Variants in CNNM2 observed in about 807,000 individuals in gnomAD.
The protein encoded by CNNM2 is metal transporter CNNM2.
A neutral mutation model predicts 66.9 loss-of-function variants in CNNM2; 12 were observed. That is an observed-to-expected ratio of 0.18 (90% CI 0.11 to 0.29). CNNM2 has a LOEUF of 0.29. CNNM2 is among the 10% of genes least tolerant of loss of function. The probability of loss-of-function intolerance (pLI) is 1.00; values close to 1 mark genes in which losing one functional copy is unlikely to be tolerated. For missense variants in CNNM2, 705 were observed against 1,167.7 expected, an observed-to-expected ratio of 0.60 and a Z score of 5.77; for synonymous variants, 557 against 501.8, an observed-to-expected ratio of 1.11 and a Z score of -1.47.
Position 103,079,406 on chromosome 10 carries a change from CT to C in CNNM2, c.*2227del, listed in dbSNP as rs2065734562. ...CCTGTCAACCTATCTGGGCTCACGT[CT>C]GCTTCTCCACACACAGTCTCTCGGG... On this transcript the variant is annotated 3_prime_UTR_variant, in exon 8 of 8. Coordinates refer to ENST00000369878, the MANE Select transcript of CNNM2 (RefSeq NM_017649.5). The C allele has an allele frequency of 6.6e-6, 1 of 152,314 alleles. No individual in the cohort carries two copies. The highest frequency in any genetic ancestry group is 1.5e-5 in the Non-Finnish European group (1 of 68,122). The allele number at this position is 152,314 out of a possible 1,614,324, so 9.4% of individuals were successfully genotyped here.
intron 1 of CNNM2, among the ~76,000 whole-genome samples, chr10:103,029,784 T>C (rs2064786774): frequency 6.6e-6 from 1 of 151,690 alleles, no homozygotes; most frequent in Middle Eastern, 3.4e-3. Context: ...GAGAATCCCT[T>C]GAACCTGGGA....
chr10:102,976,049 A>T (rs1270175951), intron 1 of CNNM2, among the ~76,000 whole-genome samples: 1 of 152,134 alleles, frequency 6.6e-6, no homozygotes, highest in Admixed American at 6.5e-5. Context: ...TTTGAAAGAG[A>T]TACTTGGAAG....
intron 1 of CNNM2, among the ~76,000 whole-genome samples, chr10:102,988,565 C>T (rs1384828450): frequency 6.6e-6 from 1 of 152,126 alleles, no homozygotes; most frequent in Admixed American, 6.5e-5. Flanking sequence ...TGCATACACA[C>T]ACATACTTTG....
intron 1 of CNNM2, among the ~76,000 whole-genome samples, chr10:102,938,169 C>T (rs1846307525): frequency 6.6e-6 from 1 of 151,416 alleles, no homozygotes; most frequent in African/African-American, 2.4e-5. Context: ...GGTGCGGTGG[C>T]ACGTACCTGT....
chr10:103,042,920 T>C (rs2065066894), intron 1 of CNNM2, among the ~76,000 whole-genome samples: 2 of 152,214 alleles, frequency 1.3e-5, no homozygotes, highest in Non-Finnish European at 2.9e-5. Flanking sequence ...TCACTAGTTC[T>C]ATAGAACTCC....
intron 1 of CNNM2, among the ~76,000 whole-genome samples, chr10:102,958,627 C>T (rs533928788): frequency 3.3e-5 from 5 of 151,572 alleles, no homozygotes; most frequent in South Asian, 2.1e-4. Context: ...CATGCCACCA[C>T]GCCCAGCTAA....
intron 1 of CNNM2, among the ~76,000 whole-genome samples, chr10:102,999,237 A>ATTT (rs776992441): frequency 1.0e-3 from 133 of 128,922 alleles, no homozygotes; most frequent in Middle Eastern, 4.2e-3. Flanking sequence ...TGCCCGGCTA[A>ATTT]TTTTTTTTTT....
At chr10:103,010,899 T>A (rs993390463) in intron 1 of CNNM2, among the ~76,000 whole-genome samples, 2 of 152,140 alleles carry the variant, frequency 1.3e-5, no homozygotes, top group African/African-American at 4.8e-5. Context: ...AGGCGTAAGC[T>A]ACCGTGCCTG....
At chr10:102,924,830 G>A (rs771241608) in intron 1 of CNNM2, among the ~76,000 whole-genome samples, 4 of 151,880 alleles carry the variant, frequency 2.6e-5, no homozygotes, top group Non-Finnish European at 5.9e-5. Flanking sequence ...TGATATATTT[G>A]TTTTCATGAT....
In CNNM2 at chr10:103,084,196, G is replaced by A. The variant is rs182222284; in HGVS notation, c.*7016G>A. 8 of 152,032 alleles carry A rather than the reference G, an allele frequency of 5.3e-5. No individual in the cohort carries two copies. The highest frequency in any genetic ancestry group is 7.4e-5 in the Non-Finnish European group (5 of 68,008). The allele number at this position is 152,032 out of a possible 1,614,324, so 9.4% of individuals were successfully genotyped here. A position where few individuals can be genotyped will look rare whatever the true frequency, so the allele number is the denominator to read the frequency against. On this transcript the variant is annotated 3_prime_UTR_variant, in exon 8 of 8. Transcript: ENST00000369878. The stretch of plus-strand genomic sequence containing the variant: ...TCTATTTTACATTCCAAAGAGGATC[G>A]TGCTCTGAAAATTTAGCCTCTTGAC...
intron 1 of CNNM2, among the ~76,000 whole-genome samples, chr10:103,002,635 A>G (rs1029380607): frequency 1.3e-5 from 2 of 151,970 alleles, no homozygotes; most frequent in Admixed American, 6.6e-5. Context: ...ATGCGCCACC[A>G]CACCCGGCTA....
At chr10:103,057,771 A>G (rs1484395712) in intron 4 of CNNM2, among the ~76,000 whole-genome samples, 1 of 152,218 alleles carries the variant, frequency 6.6e-6, no homozygotes, top group South Asian at 2.1e-4. Flanking sequence ...AAACTGTTTT[A>G]TAGAGGAACT....
At chr10:103,063,704 T>C (rs554896833) in intron 4 of CNNM2, among the ~76,000 whole-genome samples, 1 of 152,348 alleles carries the variant, frequency 6.6e-6, no homozygotes, top group East Asian at 1.9e-4. Context: ...TCTTCCAAGT[T>C]CGTCAGTTTA....
intron 6 of CNNM2, among the ~76,000 whole-genome samples, chr10:103,072,365 C>T (rs567929507): frequency 1.3e-5 from 2 of 152,230 alleles, no homozygotes; most frequent in Non-Finnish European, 2.9e-5. Context: ...TTCCCACATC[C>T]GTGTGAGTGG....
chr10:103,030,255 T>C (rs1040348891), intron 1 of CNNM2, among the ~76,000 whole-genome samples: 4 of 152,240 alleles, frequency 2.6e-5, no homozygotes, highest in Middle Eastern at 3.4e-3. Flanking sequence ...TGGGAAGTTA[T>C]GGAAGAATTT....
intron 3 of CNNM2, among the ~76,000 whole-genome samples, chr10:103,056,170 GT>G (rs2134341187): frequency 6.6e-6 from 1 of 151,980 alleles, no homozygotes; most frequent in South Asian, 2.1e-4. Flanking sequence ...ATAGAGTCCA[GT>G]TGTAGGATAG....
intron 1 of CNNM2, among the ~76,000 whole-genome samples, chr10:103,011,749 C>T (rs947114577): frequency 4.0e-5 from 6 of 149,040 alleles, no homozygotes; most frequent in Admixed American, 6.8e-5. Flanking sequence ...AGTGTAGTGG[C>T]GTGATCTTGG....
chr10:103,033,109 C>T (rs914369911), intron 1 of CNNM2, among the ~76,000 whole-genome samples: 1 of 149,694 alleles, frequency 6.7e-6, no homozygotes. Context: ...CAGAGTAAGA[C>T]CCTGTCCAAA....
intron 1 of CNNM2, among the ~76,000 whole-genome samples, chr10:102,959,834 C>T (rs984983876): frequency 7.9e-5 from 12 of 152,118 alleles, no homozygotes; most frequent in African/African-American, 1.7e-4. Context: ...GGGTGGATTA[C>T]GAGGTCAGGA....
Sources: allele counts gnomAD v4.1 joint callset (sites outside exome capture counted in the v4.1 genomes callset), GRCh38; gene constraint gnomAD v4.1.1; transcripts MANE v1.5; gene names NCBI Gene and HGNC (gene_info 2026-07-23, HGNC 2026-07-21).